The following LDLRAD4 variants were observed in gnomAD, a reference collection of about 807,000 sequenced individuals.
The protein encoded by LDLRAD4 is low-density lipoprotein receptor class A domain-containing protein 4.
A neutral mutation model predicts 17.0 loss-of-function variants in LDLRAD4; 5 were observed. The ratio of observed to expected loss-of-function variants is 0.29; its 90% CI spans 0.15 to 0.62. LDLRAD4 has a LOEUF of 0.62. Ranked by LOEUF, LDLRAD4 falls within the 20% of genes least tolerant of loss-of-function variation. The pLI is 0.84. For missense variants in LDLRAD4, 340 were observed against 424.7 expected, an observed-to-expected ratio of 0.80 and a Z score of 1.75; for synonymous variants, 168 against 171.8, an observed-to-expected ratio of 0.98 and a Z score of 0.17.
At chr18:13,358,981 A>T (rs756632415) in intron 1 of LDLRAD4, among the ~76,000 whole-genome samples, 12 of 152,340 alleles carry the variant, frequency 7.9e-5, no homozygotes, top group South Asian at 4.1e-4. Context: ...ACCAAAACAC[A>T]ACAAAACCCA....
At chr18:13,438,498 T>C in intron 3 of LDLRAD4, 114 bp downstream of exon 4, 1 of 806,172 alleles carries the variant, frequency 1.2e-6, no homozygotes, top group Non-Finnish European at 2.0e-6. Context: ...GAAAGAGATT[T>C]GCATTTTCAC....
intron 3 of LDLRAD4, among the ~76,000 whole-genome samples, chr18:13,478,212 G>C (rs575205188): frequency 1.3e-5 from 2 of 152,330 alleles, no homozygotes; most frequent in Admixed American, 6.5e-5. Flanking sequence ...CCTGGGGCTT[G>C]TTGGACATGC....
chr18:13,479,291 T>G (rs1289689103), intron 3 of LDLRAD4, among the ~76,000 whole-genome samples: 1 of 152,166 alleles, frequency 6.6e-6, no homozygotes, highest in African/African-American at 2.4e-5. Context: ...TTCATTAAAA[T>G]TAAACATTTC....
At chr18:13,318,344 C>T (rs1218539265) in intron 1 of LDLRAD4, among the ~76,000 whole-genome samples, 1 of 152,116 alleles carries the variant, frequency 6.6e-6, no homozygotes, top group Non-Finnish European at 1.5e-5. Flanking sequence ...TCACTGCAAC[C>T]TCCGCCTCCC....
At chr18:13,423,383 C>T (rs557022991) in intron 2 of LDLRAD4, among the ~76,000 whole-genome samples, 3 of 151,752 alleles carry the variant, frequency 2.0e-5, no homozygotes, top group Non-Finnish European at 4.4e-5. Context: ...ATCCTAGCTA[C>T]TTAGGAAGCT....
chr18:13,408,170 T>C (rs1409956005), intron 2 of LDLRAD4, among the ~76,000 whole-genome samples: 1 of 152,026 alleles, frequency 6.6e-6, no homozygotes, highest in African/African-American at 2.4e-5. Context: ...GGCTGGGAGT[T>C]CGAGACCAGC....
At chr18:13,624,282 A>G (rs932449981) in intron 4 of LDLRAD4, among the ~76,000 whole-genome samples, 4 of 152,212 alleles carry the variant, frequency 2.6e-5, no homozygotes, top group African/African-American at 7.2e-5. Context: ...TGAGGCATCC[A>G]CAGAGCGGAG....
At chr18:13,297,236 G>A (rs1408761715) in intron 1 of LDLRAD4, among the ~76,000 whole-genome samples, 7 of 152,226 alleles carry the variant, frequency 4.6e-5, no homozygotes, top group African/African-American at 1.7e-4. Context: ...TGGGTACTAA[G>A]GGGCCTCTGC....
intron 3 of LDLRAD4, among the ~76,000 whole-genome samples, chr18:13,559,626 A>G (rs2094519258): frequency 6.6e-6 from 1 of 152,216 alleles, no homozygotes; most frequent in Admixed American, 6.5e-5. Context: ...ATCTGTGTAC[A>G]TATGTATGTA....
chr18:13,641,649 G>C (rs371787432), intron 4 of LDLRAD4: 1 of 549,754 alleles, frequency 1.8e-6, no homozygotes, highest in African/African-American at 2.0e-5. Context: ...GAGAGGCGGC[G>C]GCCCAGAGGA....
chr18:13,567,888 C>T (rs979409972), intron 3 of LDLRAD4, among the ~76,000 whole-genome samples: 4 of 152,096 alleles, frequency 2.6e-5, no homozygotes, highest in African/African-American at 4.8e-5. Context: ...AAAGTATTAA[C>T]GCTGTGGATT....
intron 1 of LDLRAD4, among the ~76,000 whole-genome samples, chr18:13,331,822 T>C (rs2081880439): frequency 6.6e-6 from 1 of 152,250 alleles, no homozygotes; most frequent in Admixed American, 6.5e-5. Flanking sequence ...TTTCTCTGTT[T>C]CTCTTTTCTA....
At chr18:13,546,125 A>C (rs2148009581) in intron 3 of LDLRAD4, among the ~76,000 whole-genome samples, 1 of 152,192 alleles carries the variant, frequency 6.6e-6, no homozygotes. Context: ...TGGGTGGTAA[A>C]AGTCAACAAC....
At chr18:13,311,668 G>A (rs1452765723) in intron 1 of LDLRAD4, among the ~76,000 whole-genome samples, 3 of 152,132 alleles carry the variant, frequency 2.0e-5, no homozygotes, top group South Asian at 2.1e-4. Context: ...GAGGGAAGGC[G>A]GGCCTGGATG....
chr18:13,467,993 G>A (rs76305901), intron 3 of LDLRAD4, among the ~76,000 whole-genome samples: 1,832 of 152,266 alleles, frequency 0.012, 72 homozygotes, highest in East Asian at 0.12. Flanking sequence ...AGCTTGAAAT[G>A]TATCAACGAC....
At chr18:13,371,540 G>GGGT (rs1217001548) in intron 1 of LDLRAD4, among the ~76,000 whole-genome samples, 1 of 152,096 alleles carries the variant, frequency 6.6e-6, no homozygotes, top group East Asian at 1.9e-4. Flanking sequence ...AGGCCGAAGC[G>GGGT]GGTGGATCAC....
At chr18:13,642,893 T>G (rs974518880) in intron 4 of LDLRAD4, 1 of 464,940 alleles carries the variant, frequency 2.2e-6, no homozygotes, top group African/African-American at 2.0e-5. Flanking sequence ...GCTCCACGTT[T>G]TTTGTTTGTT....
In LDLRAD4 at chr18:13,422,793, T is replaced by C. The variant is rs114471734; in HGVS notation, c.41-15451T>C. On this transcript the variant is annotated intron_variant, in intron 2 of 5. Coordinates refer to ENST00000359446, the Ensembl canonical transcript of LDLRAD4. ...GCATATCTCCAGCAACAGATCTGTT[T>C]TTTCCTCTTCTGTCTCAGCAAGCCT... is the stretch of plus-strand genomic sequence containing the variant. 2.3e-3 allele frequency among the ~76,000 whole-genome samples: 353 copies of C among 152,354 alleles called. 3 individuals are homozygous for C. The highest frequency in any genetic ancestry group is 8.0e-3 in the African/African-American group (334 of 41,584).
chr18:13,387,088 AG>A (rs2085895009), intron 1 of LDLRAD4, among the ~76,000 whole-genome samples: 2 of 152,210 alleles, frequency 1.3e-5, no homozygotes, highest in Admixed American at 6.5e-5. Flanking sequence ...AACCAGCTTG[AG>A]AAATGAGTTT....
Sources: gnomAD v4.1 joint callset for allele counts (sites outside exome capture counted in the v4.1 genomes callset) on GRCh38, gnomAD v4.1.1 for gene constraint, MANE v1.5 for transcripts, NCBI Gene and HGNC (gene_info 2026-07-23, HGNC 2026-07-21) for gene names.